The following BRD10 variants were observed in gnomAD, a reference collection of about 807,000 sequenced individuals.
BRD10 encodes uncharacterized bromodomain-containing protein 10.
chr9:5,921,949 G>A, the BRD10 span: 3 of 1,613,820 alleles, frequency 1.9e-6, no homozygotes, highest in Non-Finnish European at 2.5e-6. Flanking sequence ...TTGGTGTTTG[G>A]CTAAAAGGTG....
chr9:6,007,014 C>CCCACACCCA, the BRD10 span, among the ~76,000 whole-genome samples: 2 of 152,190 alleles, frequency 1.3e-5, no homozygotes, highest in African/African-American at 4.8e-5. Context: ...CCGGGTTCGG[C>CCCACACCCA]CCACACCCAC....
the BRD10 span, among the ~76,000 whole-genome samples, chr9:5,951,948 C>CT: frequency 2.6e-5 from 4 of 152,100 alleles, no homozygotes; most frequent in African/African-American, 9.7e-5. Flanking sequence ...TCTCTCTCTT[C>CT]TTCCCTCTCT....
At chr9:5,948,822 T>C in the BRD10 span, among the ~76,000 whole-genome samples, 3 of 152,110 alleles carry the variant, frequency 2.0e-5, no homozygotes. Flanking sequence ...AAATACTAAA[T>C]GCATGGTATA....
the BRD10 span, among the ~76,000 whole-genome samples, chr9:5,902,653 G>A: frequency 1.3e-5 from 2 of 151,042 alleles, no homozygotes; most frequent in African/African-American, 4.9e-5. Context: ...TGTGCCTCCA[G>A]GTCTGATTAA....
chr9:5,982,671 A>G, the BRD10 span, among the ~76,000 whole-genome samples: 1 of 152,224 alleles, frequency 6.6e-6, no homozygotes. Context: ...GTAACTGTAA[A>G]AAAACAAATT....
At chr9:5,941,298 A>G in the BRD10 span, among the ~76,000 whole-genome samples, 12 of 152,214 alleles carry the variant, frequency 7.9e-5, no homozygotes, top group African/African-American at 2.9e-4. Context: ...TTTTTTAAAT[A>G]AGCAAAATGC....
chr9:5,892,249 G>T, the BRD10 span, among the ~76,000 whole-genome samples: 1 of 152,140 alleles, frequency 6.6e-6, no homozygotes. Flanking sequence ...CAGTTAGTAG[G>T]AGGGGTTAGA....
At chr9:5,976,521 C>G in the BRD10 span, among the ~76,000 whole-genome samples, 1 of 152,112 alleles carries the variant, frequency 6.6e-6, no homozygotes, top group African/African-American at 2.4e-5. Context: ...TTAATCTTGT[C>G]ATAATTAATC....
the BRD10 span, among the ~76,000 whole-genome samples, chr9:5,949,681 A>G: frequency 2.0e-5 from 3 of 152,176 alleles, no homozygotes. Flanking sequence ...AAGCAGACTT[A>G]GGGTAACTAA....
the BRD10 span, chr9:5,922,943 A>C: frequency 6.2e-7 from 1 of 1,613,992 alleles, no homozygotes; most frequent in Non-Finnish European, 8.5e-7. Context: ...TGTTAAGGTC[A>C]CTTTATTCCC....
At chr9:5,888,980 G>C in the BRD10 span, among the ~76,000 whole-genome samples, 3 of 152,296 alleles carry the variant, frequency 2.0e-5, no homozygotes, top group Non-Finnish European at 2.9e-5. Flanking sequence ...GCTGGTCTGA[G>C]AAGAAGCTCC....
the BRD10 span, among the ~76,000 whole-genome samples, chr9:5,941,161 C>A: frequency 6.6e-6 from 1 of 151,978 alleles, no homozygotes; most frequent in African/African-American, 2.4e-5. Flanking sequence ...CGAAATCTTC[C>A]AATTTTTATT....
chr9:5,988,622 A>T, the BRD10 span: 6 of 1,058,024 alleles, frequency 5.7e-6, no homozygotes, highest in Non-Finnish European at 8.5e-6. Context: ...GCAACTTAAG[A>T]ATCCCTTTTG....
At chr9:5,935,445 G>A in the BRD10 span, among the ~76,000 whole-genome samples, 1 of 152,156 alleles carries the variant, frequency 6.6e-6, no homozygotes, top group African/African-American at 2.4e-5. Flanking sequence ...ACTATCACCG[G>A]GGAAGAAAAT....
the BRD10 span, among the ~76,000 whole-genome samples, chr9:5,957,944 C>G: frequency 6.6e-6 from 1 of 152,056 alleles, no homozygotes; most frequent in East Asian, 1.9e-4. Context: ...TTGATCATAT[C>G]CCAGGCCTTT....
the BRD10 span, among the ~76,000 whole-genome samples, chr9:5,957,712 C>T: frequency 2.6e-5 from 4 of 151,974 alleles, no homozygotes; most frequent in African/African-American, 9.7e-5. Context: ...TTTTTTAATA[C>T]CTTCAGTATA....
chr9:6,007,197 A>G, the BRD10 span: 2 of 1,611,198 alleles, frequency 1.2e-6, no homozygotes, highest in African/African-American at 1.3e-5. Flanking sequence ...TCGCTTACCG[A>G]GAGAGAAGCG....
the BRD10 span, among the ~76,000 whole-genome samples, chr9:5,950,758 C>A: frequency 2.5e-4 from 38 of 152,056 alleles, no homozygotes; most frequent in Non-Finnish European, 5.3e-4. Flanking sequence ...CTGAACCCTG[C>A]GGATACCAAA....
chr9:5,974,643 C>T, the BRD10 span, among the ~76,000 whole-genome samples: 1 of 152,114 alleles, frequency 6.6e-6, no homozygotes, highest in African/African-American at 2.4e-5. Flanking sequence ...CTAGAGTCTG[C>T]AGGACATAGT....
Sources: allele counts gnomAD v4.1 joint callset (sites outside exome capture counted in the v4.1 genomes callset), GRCh38; gene constraint gnomAD v4.1.1; transcripts MANE v1.5; gene names NCBI Gene and HGNC (gene_info 2026-07-23, HGNC 2026-07-21).